Variants in DOCK3 observed in about 807,000 individuals in gnomAD.
DOCK3 encodes the protein dedicator of cytokinesis protein 3.
A neutral mutation model predicts 265.6 loss-of-function variants in DOCK3; 60 were observed. The ratio of observed to expected loss-of-function variants is 0.23; its 90% CI spans 0.18 to 0.28. The LOEUF is 0.28. DOCK3 is among the 10% of genes least tolerant of loss of function. The probability of loss-of-function intolerance (pLI) is 1.00; values close to 1 mark genes in which losing one functional copy is unlikely to be tolerated. For missense variants in DOCK3, 1,981 were observed against 2,594.3 expected (o/e 0.76, Z 5.14); for synonymous variants, 881 against 938.0 (o/e 0.94, Z 1.11).
chr3:51,263,067 G>A (rs2079948474), intron 23 of DOCK3, among the ~76,000 whole-genome samples: 1 of 152,066 alleles, frequency 6.6e-6, no homozygotes, highest in Non-Finnish European at 1.5e-5. Context: ...GAAATACAGA[G>A]AACACCACAA....
chr3:51,239,194 G>T (rs570162502), intron 21 of DOCK3, among the ~76,000 whole-genome samples: 1 of 34,388 alleles, frequency 2.9e-5, no homozygotes, highest in Non-Finnish European at 7.8e-5. Flanking sequence ...AAGATAAAGC[G>T]TACTTTTTAT....
chr3:50,815,436 T>C (rs1054894013), intron 2 of DOCK3, among the ~76,000 whole-genome samples: 1 of 152,198 alleles, frequency 6.6e-6, no homozygotes, highest in African/African-American at 2.4e-5. Context: ...ACCATACAAA[T>C]GTTTGGGATT....
intron 3 of DOCK3, 29 bp downstream of exon 3, chr3:50,841,744 T>TTTTTCTTTTTTTTTTTTTTTTTTTG: frequency 1.9e-6 from 1 of 520,346 alleles, no homozygotes; most frequent in Non-Finnish European, 3.1e-6. Flanking sequence ...TTACCTTTTC[T>TTTTTCTTTTTTTTTTTTTTTTTTTG]AATGTAGGAA....
At chr3:50,732,535 C>G (rs1563683) in intron 1 of DOCK3, among the ~76,000 whole-genome samples, 137,830 of 152,204 alleles carry the variant, frequency 0.91, 62,564 homozygotes, top group African/African-American at 0.95. Flanking sequence ...CCCCTGAGTA[C>G]CTAGGACTAC....
chr3:50,761,007 C>T (rs2040495167), intron 1 of DOCK3, among the ~76,000 whole-genome samples: 1 of 151,858 alleles, frequency 6.6e-6, no homozygotes, highest in Admixed American at 6.6e-5. Context: ...GGTCTCGATT[C>T]CTGACCTCGT....
intron 5 of DOCK3, among the ~76,000 whole-genome samples, chr3:51,014,334 C>CTGTAAGCTT (rs1181656836): frequency 6.6e-6 from 1 of 152,154 alleles, no homozygotes; most frequent in African/African-American, 2.4e-5. Context: ...TAGGACTTCT[C>CTGTAAGCTT]TGTAAGCTTC....
At chr3:51,227,260 C>T in intron 15 of DOCK3, 23 bp from the exon 16 acceptor site, 1 of 1,610,048 alleles carries the variant, frequency 6.2e-7, no homozygotes, top group Admixed American at 1.7e-5. Context: ...AAGATGACAT[C>T]TTATTTTGTT....
chr3:50,707,151 T>C (rs1002292286), intron 1 of DOCK3, among the ~76,000 whole-genome samples: 1 of 152,184 alleles, frequency 6.6e-6, no homozygotes, highest in African/African-American at 2.4e-5. Context: ...GTTGCCATGC[T>C]TCCTGTACTA....
At chr3:51,195,662 C>T (rs1319452254) in intron 12 of DOCK3, among the ~76,000 whole-genome samples, 2 of 152,120 alleles carry the variant, frequency 1.3e-5, no homozygotes, top group Non-Finnish European at 2.9e-5. Context: ...AGGTGATCTG[C>T]CCGCCTCGGC....
At chr3:50,718,339 A>C (rs1366874966) in intron 1 of DOCK3, among the ~76,000 whole-genome samples, 1 of 152,090 alleles carries the variant, frequency 6.6e-6, no homozygotes, top group Non-Finnish European at 1.5e-5. Context: ...TAGCTTTTAT[A>C]CTTTATTCTC....
At chr3:50,853,382 G>A (rs1216687194) in intron 3 of DOCK3, among the ~76,000 whole-genome samples, 1 of 151,842 alleles carries the variant, frequency 6.6e-6, no homozygotes, top group Non-Finnish European at 1.5e-5. Context: ...TGAGGGATGG[G>A]GTTTGGGCTT....
At chr3:51,300,507 T>G (rs1341345881) in intron 27 of DOCK3, among the ~76,000 whole-genome samples, 1 of 152,262 alleles carries the variant, frequency 6.6e-6, no homozygotes, top group Non-Finnish European at 1.5e-5. Flanking sequence ...TTCCAGCTTT[T>G]GCCCATTCAG....
At chr3:51,191,295 A>G (rs899222237) in intron 12 of DOCK3, among the ~76,000 whole-genome samples, 1 of 152,126 alleles carries the variant, frequency 6.6e-6, no homozygotes, top group African/African-American at 2.4e-5. Context: ...AGATTATATC[A>G]CAAATTTCAG....
At chr3:51,146,401 G>A (rs1466137734) in intron 9 of DOCK3, 148 bp from the exon 10 acceptor site, 3 of 705,932 alleles carry the variant, frequency 4.2e-6, no homozygotes, top group South Asian at 2.0e-5. Flanking sequence ...AAAAGAGGGT[G>A]TCCTGCCACT....
intron 1 of DOCK3, among the ~76,000 whole-genome samples, chr3:50,694,752 A>G (rs1166981791): frequency 6.6e-6 from 1 of 152,230 alleles, no homozygotes; most frequent in East Asian, 1.9e-4. Context: ...TGGAGGTTAC[A>G]GTGAGGCTGA....
chr3:51,246,172 G>A (rs1340651686), intron 21 of DOCK3, among the ~76,000 whole-genome samples: 1 of 150,246 alleles, frequency 6.7e-6, no homozygotes, highest in South Asian at 2.1e-4. Flanking sequence ...CAGATGTTCT[G>A]AAAACCTAGC....
chr3:51,248,869 C>A (rs1238070455), intron 22 of DOCK3, among the ~76,000 whole-genome samples: 1 of 147,164 alleles, frequency 6.8e-6, no homozygotes, highest in East Asian at 2.1e-4. Context: ...GTGAGGAGCG[C>A]CTCTGCCCGG....
At chr3:51,042,113 G>C (rs893596905) in intron 5 of DOCK3, among the ~76,000 whole-genome samples, 1 of 152,154 alleles carries the variant, frequency 6.6e-6, no homozygotes, top group African/African-American at 2.4e-5. Context: ...ACGAAAACCT[G>C]GCAGAGACAC....
chr3:50,721,053 G>A (rs1254265122), intron 1 of DOCK3, among the ~76,000 whole-genome samples: 1 of 150,654 alleles, frequency 6.6e-6, no homozygotes, highest in African/African-American at 2.4e-5. Flanking sequence ...TTTTTTGTTT[G>A]TTTTTTGCTT....
Sources: allele counts gnomAD v4.1 joint callset (sites outside exome capture counted in the v4.1 genomes callset), GRCh38; gene constraint gnomAD v4.1.1; transcripts MANE v1.5; gene names NCBI Gene and HGNC (gene_info 2026-07-23, HGNC 2026-07-21).